The following NAA15 variants were observed in gnomAD, a reference collection of about 807,000 sequenced individuals.
NAA15 encodes the protein N-terminal acetyltransferase.
Under a neutral mutation model 114.0 loss-of-function variants are expected in NAA15, and 34 were observed. The observed-to-expected ratio is 0.30, with a 90% confidence interval of 0.23 to 0.40. The LOEUF is 0.40. Ranked by LOEUF, NAA15 falls within the 10% of genes least tolerant of loss-of-function variation. The probability of loss-of-function intolerance (pLI) is 1.00; values close to 1 mark genes in which losing one functional copy is unlikely to be tolerated. For missense variants in NAA15, 658 were observed against 1,004.5 expected (o/e 0.66, Z 4.66); for synonymous variants, 340 against 338.0 (o/e 1.01, Z -0.06).
At chr4:139,364,287 G>A (rs2110964880) in intron 14 of NAA15, among the ~76,000 whole-genome samples, 1 of 151,912 alleles carries the variant, frequency 6.6e-6, no homozygotes, top group Non-Finnish European at 1.5e-5. Flanking sequence ...TTAATATTTA[G>A]TCTTTTTTTG....
At chr4:139,313,533 T>C (rs1199044203) in intron 1 of NAA15, among the ~76,000 whole-genome samples, 1 of 150,652 alleles carries the variant, frequency 6.6e-6, no homozygotes, top group Non-Finnish European at 1.5e-5. Context: ...ATTGTTACAG[T>C]ATATTTCTTT....
At chr4:139,303,742 C>T (rs563580675) in intron 1 of NAA15, among the ~76,000 whole-genome samples, 1 of 152,236 alleles carries the variant, frequency 6.6e-6, no homozygotes, top group Non-Finnish European at 1.5e-5. Flanking sequence ...GGTTGCAGTT[C>T]CAGCCTTGGC....
At chr4:139,369,965 C>G (rs1344444752) in intron 14 of NAA15, among the ~76,000 whole-genome samples, 1 of 151,938 alleles carries the variant, frequency 6.6e-6, no homozygotes, top group Non-Finnish European at 1.5e-5. Context: ...CCACCACACC[C>G]AGCTAATTTT....
At chr4:139,379,636 T>G (rs935407033) in intron 17 of NAA15, among the ~76,000 whole-genome samples, 1 of 152,192 alleles carries the variant, frequency 6.6e-6, no homozygotes, top group African/African-American at 2.4e-5. Context: ...CAGAATAATC[T>G]ATAGAATTTG....
At position 139,351,501 on chromosome 4, in the gene NAA15, C is replaced by T. The variant is rs1160504154; in HGVS notation, c.908-4C>T. 1.3e-6 allele frequency: 2 copies of T among 1,542,306 alleles called. No homozygotes were observed. Among genetic ancestry groups the T allele is most frequent in the Non-Finnish European group, 1.8e-6 (2 of 1,118,928 alleles). On this transcript the variant is annotated splice_region_variant and splice_polypyrimidine_tract_variant and intron_variant, in intron 8 of 19. Transcript: ENST00000296543. ...ATAAGCGAAAAGGATTTTTCTCTTC[C>T]AAGGTGAGAAGTTTAAAGAATGTTT...
At position 139,313,637 on chromosome 4, in the gene NAA15, C is replaced by G. The variant is rs772380449; in HGVS notation, c.54+11806C>G. Among the ~76,000 whole-genome samples the G allele has an allele frequency of 1.8e-4, 27 of 151,526 alleles. 1 individual carries two copies. Among genetic ancestry groups the G allele is most frequent in the Non-Finnish European group, 3.1e-4 (21 of 67,896 alleles). On this transcript the variant is annotated intron_variant, in intron 1 of 19. Coordinates refer to ENST00000296543, the MANE Select transcript of NAA15 (RefSeq NM_057175.5). ...TTGGCTCACTGCAACCTCCGCCTCC[C>G]TGGTTCAAGTGATTCTCCTGCCTCA...
intron 15 of NAA15, among the ~76,000 whole-genome samples, 165 bp downstream of exon 15, chr4:139,370,569 CGT>C (rs1748408119): frequency 6.6e-6 from 1 of 151,904 alleles, no homozygotes; most frequent in Non-Finnish European, 1.5e-5. Context: ...TGTTTCTGAT[CGT>C]GTTTCATGTT....
Position 139,389,908 on chromosome 4 carries a change from T to C in NAA15, c.*1824T>C, listed in dbSNP as rs1431257487. On this transcript the variant is annotated 3_prime_UTR_variant, in exon 20 of 20. Transcript: ENST00000296543. ...CGAACTCCAGTGCTTTGTTATGTTT[T>C]ATTAACTGGCCCTGTCTCAGGAACA... is the stretch of plus-strand genomic sequence containing the variant. 6.6e-6 allele frequency: 1 copy of C among 152,636 alleles called. No homozygotes were observed. Among genetic ancestry groups the C allele is most frequent in the East Asian group, 1.9e-4 (1 of 5,192 alleles). 9.5% of individuals were successfully genotyped at this position (152,636 alleles called of 1,614,324 possible). A position where few individuals can be genotyped will look rare whatever the true frequency, so the allele number is the denominator to read the frequency against.
chr4:139,334,512 C>G (rs879315504), intron 2 of NAA15, among the ~76,000 whole-genome samples: 2 of 152,120 alleles, frequency 1.3e-5, no homozygotes, highest in African/African-American at 4.8e-5. Flanking sequence ...GGATAGAATG[C>G]TAAAATTTAC....
intron 1 of NAA15, 79 bp from the exon 2 acceptor site, chr4:139,334,095 G>T: frequency 1.2e-6 from 1 of 833,762 alleles, no homozygotes. Flanking sequence ...GTATTTAACA[G>T]AGTAGAGAAA....
At chr4:139,344,147 A>G (rs1747501958) in intron 5 of NAA15, 39 bp from the exon 6 acceptor site, 1 of 1,512,772 alleles carries the variant, frequency 6.6e-7, no homozygotes, top group African/African-American at 1.4e-5. Flanking sequence ...ATATGAAAAT[A>G]AAATTCTTAC....
chr4:139,382,639 C>T (rs557037986), intron 17 of NAA15, among the ~76,000 whole-genome samples: 1 of 152,108 alleles, frequency 6.6e-6, no homozygotes, highest in South Asian at 2.1e-4. Context: ...ATTTTAATAA[C>T]TTTTTTCTGT....
At chr4:139,308,967 A>C (rs1746122191) in intron 1 of NAA15, among the ~76,000 whole-genome samples, 1 of 152,188 alleles carries the variant, frequency 6.6e-6, no homozygotes, top group African/African-American at 2.4e-5. Flanking sequence ...AGTATACCAG[A>C]AAACAAAATG....
chr4:139,349,338 G>T, intron 6 of NAA15, 124 bp from the exon 7 acceptor site: 3 of 778,850 alleles, frequency 3.9e-6, no homozygotes, highest in Non-Finnish European at 3.9e-6. Context: ...CTGGAACCAG[G>T]TCCATCCACT....
Position 139,378,873 on chromosome 4 carries a change from T to A in NAA15, c.2155+19T>A. 1 of 1,445,778 alleles carries A rather than the reference T, an allele frequency of 6.9e-7. No individual in the cohort carries two copies. The allele number at this position is 1,445,778 out of a possible 1,614,324, so 89.6% of individuals were successfully genotyped here. ...AATACTGGTATGTTTTTGTTTTCCA[T>A]TACTTAAGTATTTGATACAGTGGTT... is the stretch of plus-strand genomic sequence containing the variant. On this transcript the variant is annotated intron_variant, in intron 17 of 19. Transcript: ENST00000296543.
At chr4:139,321,468 T>G (rs1056109267) in intron 1 of NAA15, among the ~76,000 whole-genome samples, 1 of 134,228 alleles carries the variant, frequency 7.5e-6, no homozygotes, top group Non-Finnish European at 1.6e-5. Context: ...CTGGCCCTTA[T>G]TTGTTTTTTT....
rs1013429665 is a variant in NAA15 at position 139,372,683 on chromosome 4, C to G, written c.1947+2279C>G. ...GCTTTGTAGGTTATTTTAAAGGCCG[C>G]CTGCCAAGTCTGGTTCTGCAGTATA... On this transcript the variant is annotated intron_variant, in intron 15 of 19. Coordinates refer to ENST00000296543, the MANE Select transcript of NAA15 (RefSeq NM_057175.5). 5.3e-5 allele frequency among the ~76,000 whole-genome samples: 8 copies of G among 152,126 alleles called. No homozygotes were observed. In the South Asian group the frequency reaches 1.7e-3, roughly 32 times the overall value.
chr4:139,347,644 A>AAAAG (rs1274457249), intron 6 of NAA15, among the ~76,000 whole-genome samples: 1 of 152,156 alleles, frequency 6.6e-6, no homozygotes, highest in African/African-American at 2.4e-5. Context: ...CCTGTCTTCA[A>AAAAG]AAAGAAAGAA....
intron 1 of NAA15, among the ~76,000 whole-genome samples, chr4:139,323,254 A>C (rs917425939): frequency 4.6e-5 from 7 of 151,702 alleles, no homozygotes; most frequent in African/African-American, 1.7e-4. Flanking sequence ...ATGTGGTTTC[A>C]CTATGTTGGC....
Sources: allele counts gnomAD v4.1 joint callset (sites outside exome capture counted in the v4.1 genomes callset), GRCh38; gene constraint gnomAD v4.1.1; transcripts MANE v1.5; gene names NCBI Gene and HGNC (gene_info 2026-07-23, HGNC 2026-07-21).